MMP2: variants seen among roughly 807,000 people sequenced by gnomAD.
MMP2 encodes 72 kDa type IV collagenase.
In MMP2, 39 loss-of-function variants were observed where a neutral mutation model predicts 74.8. That is an observed-to-expected ratio of 0.52 (90% CI 0.40 to 0.68). MMP2 has a LOEUF of 0.68. MMP2 is among the 30% of genes least tolerant of loss of function. The pLI is 0.00. For synonymous variants in MMP2, 367 were observed against 339.8 expected (o/e 1.08, Z -0.88); for missense variants, 803 against 878.3 (o/e 0.91, Z 1.08).
chr16:55,489,865 C>T lies in MMP2; in HGVS notation c.1180+41C>T, dbSNP rs773680473. ...CATTGGACAGAGACCCTGGACATTG[C>T]CCTTGCCCCTAAACTTGCTCCAAAA... On this transcript the variant is annotated intron_variant, in intron 7 of 12. Coordinates refer to ENST00000219070, the MANE Select transcript of MMP2 (RefSeq NM_004530.6). 6 of 1,603,836 alleles carry T rather than the reference C, an allele frequency of 3.7e-6. No homozygotes were observed. The African/African-American group carries it at 6.7e-5, about 18-fold the overall frequency.
intron 11 of MMP2, 30 bp downstream of exon 11, chr16:55,498,478 C>T: frequency 6.2e-7 from 1 of 1,613,946 alleles, no homozygotes; most frequent in Non-Finnish European, 8.5e-7. Flanking sequence ...AGGACAGCAG[C>T]ACAGTTGGCT....
At position 55,496,983 on chromosome 16, in the gene MMP2, C is replaced by T; in HGVS notation, c.1530C>T (p.Ala510=). ...AGCCCATGGGGCCCCTGCTGGTGGC[C>T]ACATTCTGGCCTGAGCTCCCGGAAA... ...RDKPMGPLLV[A]TFWPELPEKI... Residue 510 remains alanine (A), a synonymous_variant, in exon 10 of 13, where the codon GCC becomes GCT. Transcript: ENST00000219070. 1 of 1,614,178 alleles carries T rather than the reference C, an allele frequency of 6.2e-7. No homozygotes were observed. Among genetic ancestry groups the T allele is most frequent in the Non-Finnish European group, 8.5e-7 (1 of 1,180,044 alleles).
chr16:55,489,581 C>T (rs1962348547), intron 6 of MMP2, 70 bp from the exon 7 acceptor site: 4 of 1,581,496 alleles, frequency 2.5e-6, no homozygotes, highest in Non-Finnish European at 3.5e-6. Context: ...AGGTCAGCGT[C>T]ATGTCATTGC....
At chr16:55,486,806 T>C (rs1962273237) in intron 5 of MMP2, 1 of 152,208 alleles carries the variant, frequency 6.6e-6, no homozygotes, top group South Asian at 2.1e-4. Flanking sequence ...CTCTATAGTC[T>C]ACATAGACTA....
In MMP2 at chr16:55,479,604, C is replaced by A. The variant is rs1962044826; in HGVS notation, c.125C>A (p.Ala42Asp). Residue 42 changes from alanine to aspartate, a missense_variant, in exon 1 of 13, where the codon GCC becomes GAC. Ala to Asp is a moderately radical substitution (Grantham distance 126). This residue lies in a region of MMP2 where 223 missense variants were observed against 232.8 expected (regional missense o/e 0.96). Transcript: ENST00000219070. ...ATCATCAAGTTCCCCGGCGATGTCG[C>A]CCCCAAAACGGACAAAGAGTTGGCA... ...SPIIKFPGDV[A>D]PKTDKELAVQ... is the part of the protein sequence containing the mutation. The A allele has an allele frequency of 6.2e-7, 1 of 1,613,676 alleles. No homozygotes were observed. Among genetic ancestry groups the A allele is most frequent in the Admixed American group, 1.7e-5 (1 of 60,008 alleles).
chr16:55,489,407 G>A (rs1962343616), intron 6 of MMP2, among the ~76,000 whole-genome samples: 1 of 151,900 alleles, frequency 6.6e-6, no homozygotes, highest in Admixed American at 6.6e-5. Context: ...ATACTTCCTA[G>A]CAGTGTTGGC....
At chr16:55,489,248 C>A (rs1962339909) in intron 6 of MMP2, among the ~76,000 whole-genome samples, 1 of 152,208 alleles carries the variant, frequency 6.6e-6, no homozygotes, top group South Asian at 2.1e-4. Context: ...CTCTGCAAAG[C>A]CCTGCCCAAG....
intron 5 of MMP2, 66 bp from the exon 6 acceptor site, chr16:55,488,473 GCAGC>G (rs1482616385): frequency 2.7e-6 from 4 of 1,502,494 alleles, no homozygotes; most frequent in Admixed American, 1.8e-5. Flanking sequence ...CGGCAGGTGG[GCAGC>G]CAGCCAGCCC....
At chr16:55,486,870 G>C (rs1430939739) in intron 5 of MMP2, 1 of 152,150 alleles carries the variant, frequency 6.6e-6, no homozygotes, top group Non-Finnish European at 1.5e-5. Context: ...TAACCCCACT[G>C]TAACTGAAAA....
At chr16:55,486,327 GTGTGTGTGTGTGTGTGTGCC>G (rs577279254) in intron 5 of MMP2, among the ~76,000 whole-genome samples, 64 of 123,384 alleles carry the variant, frequency 5.2e-4, no homozygotes, top group African/African-American at 2.1e-3. Flanking sequence ...TAATGCGTGT[GTGTGTGTGTGTGTGTGTGCC>G]TGTGTGTGTG....
rs762803241 is a variant in MMP2, at chr16:55,496,950, A to C, written c.1497A>C (p.Pro499=). The change falls in exon 10 of 13, where the codon CCA becomes CCC. Residue 499 remains proline, a synonymous_variant. Coordinates refer to ENST00000219070, the MANE Select transcript of MMP2 (RefSeq NM_004530.6). ...KDRFIWRTVT[P]RDKPMGPLLV... is the part of the protein sequence containing the mutation. ...GGTTCATTTGGCGGACTGTGACGCC[A>C]CGTGACAAGCCCATGGGGCCCCTGC... is the stretch of plus-strand genomic sequence containing the variant. 3.1e-6 allele frequency: 5 copies of C among 1,613,966 alleles called. No individual in the cohort carries two copies.
At chr16:55,497,263 A>T (rs987794703) in intron 10 of MMP2, among the ~76,000 whole-genome samples, 14 of 152,188 alleles carry the variant, frequency 9.2e-5, no homozygotes, top group Non-Finnish European at 1.6e-4. Flanking sequence ...GACACCCAAC[A>T]TCAGATAGCA....
chr16:55,501,201 G>T (rs931983105), intron 11 of MMP2, among the ~76,000 whole-genome samples: 5 of 152,196 alleles, frequency 3.3e-5, no homozygotes, highest in African/African-American at 1.2e-4. Context: ...AGTGGCTCAA[G>T]GAAAAGCTGG....
intron 2 of MMP2, 78 bp downstream of exon 2, chr16:55,483,213 C>G: frequency 8.8e-7 from 1 of 1,130,202 alleles, no homozygotes; most frequent in Non-Finnish European, 1.3e-6. Context: ...ATTCTCTCCA[C>G]TCAGGGGATC....
In MMP2 at chr16:55,485,529, C is replaced by T. The variant is rs906339992; in HGVS notation, c.659-75C>T. The T allele has an allele frequency of 3.1e-6, 5 of 1,610,200 alleles. No individual in the cohort carries two copies. The Admixed American group carries it at 5.0e-5, about 16-fold the overall frequency. On this transcript the variant is annotated intron_variant, in intron 4 of 12. Transcript: ENST00000219070. The stretch of plus-strand genomic sequence containing the variant: ...GTGGGAGGGGAGGAAAGTCACACAT[C>T]TGGGTGAGTCAGAATCTTGGTCTCC...
chr16:55,488,429 A>AT, intron 5 of MMP2, 114 bp from the exon 6 acceptor site: 1 of 1,049,176 alleles, frequency 9.5e-7, no homozygotes. Context: ...TTTTCTTAAT[A>AT]TTTTAACAAT....
intron 10 of MMP2, among the ~76,000 whole-genome samples, chr16:55,497,898 A>G (rs171497): frequency 0.37 from 56,463 of 151,990 alleles, 10,450 homozygotes; most frequent in South Asian, 0.42. Context: ...AGCCAAGACT[A>G]TTGTCTCCAC....
chr16:55,490,813 C>T (rs1962386373), intron 7 of MMP2, among the ~76,000 whole-genome samples: 1 of 152,196 alleles, frequency 6.6e-6, no homozygotes, highest in Admixed American at 6.5e-5. Flanking sequence ...GGATTCTCCA[C>T]CTTCCTGAGT....
intron 4 of MMP2, 86 bp downstream of exon 4, chr16:55,485,513 G>T (rs190905573): frequency 3.7e-6 from 6 of 1,612,558 alleles, no homozygotes; most frequent in Admixed American, 3.3e-5. Context: ...GGTGGGAGGG[G>T]AGGAAAGTCA....
Sources: allele counts gnomAD v4.1 joint callset (sites outside exome capture counted in the v4.1 genomes callset), GRCh38; gene constraint gnomAD v4.1.1; regional missense constraint gnomAD v4.1.1; transcripts MANE v1.5; gene names NCBI Gene and HGNC (gene_info 2026-07-23, HGNC 2026-07-21).